CAMTA1: variants seen among roughly 807,000 people sequenced by gnomAD.
The protein encoded by CAMTA1 is calmodulin-binding transcription activator 1.
Under a neutral mutation model 170.9 loss-of-function variants are expected in CAMTA1, and 27 were observed. That is an observed-to-expected ratio of 0.16 (90% CI 0.12 to 0.22). The LOEUF (loss-of-function observed/expected upper bound fraction) is 0.22. Among genes scored for constraint, CAMTA1 ranks in the 10% least tolerant of loss-of-function variants. The pLI is 1.00. For missense variants in CAMTA1, 1,619 were observed against 2,217.2 expected (o/e 0.73, Z 5.42); for synonymous variants, 833 against 891.5 (o/e 0.93, Z 1.17).
chr1:7,036,003 T>C (rs976429461), intron 3 of CAMTA1, among the ~76,000 whole-genome samples: 1 of 152,210 alleles, frequency 6.6e-6, no homozygotes, highest in Non-Finnish European at 1.5e-5. Context: ...ACCATTTATA[T>C]AAGCTTAAAA....
chr1:7,145,790 A>G (rs1190150969), intron 4 of CAMTA1, among the ~76,000 whole-genome samples: 1 of 152,196 alleles, frequency 6.6e-6, no homozygotes, highest in Non-Finnish European at 1.5e-5. Context: ...TCTAGGCTGC[A>G]AGCATGAAGC....
intron 6 of CAMTA1, among the ~76,000 whole-genome samples, chr1:7,539,546 G>A (rs1440206228): frequency 6.6e-6 from 1 of 152,220 alleles, no homozygotes; most frequent in African/African-American, 2.4e-5. Context: ...ATATCACTCC[G>A]AAGTTTGTGG....
At chr1:7,581,135 G>C (rs1163847769) in intron 6 of CAMTA1, among the ~76,000 whole-genome samples, 2 of 152,180 alleles carry the variant, frequency 1.3e-5, no homozygotes, top group African/African-American at 4.8e-5. Flanking sequence ...GCACCGTGTT[G>C]CGAGAGGACA....
intron 4 of CAMTA1, among the ~76,000 whole-genome samples, chr1:7,227,094 A>G (rs1191026973): frequency 1.3e-5 from 2 of 152,028 alleles, no homozygotes; most frequent in Non-Finnish European, 2.9e-5. Flanking sequence ...CATCTTCCCA[A>G]AGTGCTGGGA....
rs753927796 is a variant in CAMTA1, at chr1:7,752,451, T to G, written c.4884-8T>G. The G allele has an allele frequency of 1.9e-6, 3 of 1,613,508 alleles. No individual in the cohort carries two copies. The highest frequency in any genetic ancestry group is 2.5e-6 in the Non-Finnish European group (3 of 1,179,568). On this transcript the variant is annotated splice_region_variant and splice_polypyrimidine_tract_variant and intron_variant, in intron 20 of 22. Transcript: ENST00000303635. ...CTTCTTGTGACAATAATATTCTGAC[T>G]TTTTCAGGAGCAGTTTGCTAACCAA...
chr1:7,058,017 G>A (rs990925217), intron 3 of CAMTA1, among the ~76,000 whole-genome samples: 3 of 152,150 alleles, frequency 2.0e-5, no homozygotes, highest in African/African-American at 4.8e-5. Flanking sequence ...GGCAGGGAGG[G>A]GACACAGAGC....
chr1:7,475,037 C>T (rs2093398133), intron 6 of CAMTA1, among the ~76,000 whole-genome samples: 1 of 152,240 alleles, frequency 6.6e-6, no homozygotes, highest in Admixed American at 6.5e-5. Context: ...ACCTCTCCAC[C>T]CGGATGAGCT....
chr1:6,820,505 A>G (rs532984032), intron 2 of CAMTA1, among the ~76,000 whole-genome samples: 2 of 152,328 alleles, frequency 1.3e-5, no homozygotes, highest in South Asian at 4.1e-4. Flanking sequence ...GCACTTAACA[A>G]ATGTTTGATA....
At chr1:6,994,921 G>T (rs1021425492) in intron 3 of CAMTA1, among the ~76,000 whole-genome samples, 1 of 152,080 alleles carries the variant, frequency 6.6e-6, no homozygotes, top group Non-Finnish European at 1.5e-5. Context: ...TCCCGCCTTG[G>T]CCTCTCAAAG....
rs113545949 is a variant in CAMTA1, at chr1:6,822,136, G to A, written c.115+1886G>A. Among the ~76,000 whole-genome samples, 65 of 152,206 alleles carry A rather than the reference G, an allele frequency of 4.3e-4. 1 individual carries two copies. The highest frequency in any genetic ancestry group is 1.5e-3 in the African/African-American group (62 of 41,544). On this transcript the variant is annotated intron_variant, in intron 2 of 22. Coordinates refer to ENST00000303635, the MANE Select transcript of CAMTA1 (RefSeq NM_015215.4). Reference sequence around the variant, plus strand: ...TTTCAGTGTCAAAGTTCAACTATTTGTATTGAATACTGAATAATGCAGTGG... The same window carrying A: ...TTTCAGTGTCAAAGTTCAACTATTTATATTGAATACTGAATAATGCAGTGG...
In CAMTA1 at chr1:7,323,397, G is replaced by A. The variant is rs566020206; in HGVS notation, c.438+73771G>A. Among the ~76,000 whole-genome samples, 9 of 151,066 alleles carry A rather than the reference G, an allele frequency of 6.0e-5. 2 individuals are homozygous for A. The highest frequency in any genetic ancestry group is 1.7e-4 in the African/African-American group (7 of 41,200). On this transcript the variant is annotated intron_variant, in intron 5 of 22. Transcript: ENST00000303635. Reference sequence around the variant, plus strand: ...CATGGCCTTCAGGTCTTTGCTCCGAGTTTACCTTCTCAGGAAGGAAATCCA... The same window carrying A: ...CATGGCCTTCAGGTCTTTGCTCCGAATTTACCTTCTCAGGAAGGAAATCCA...
At position 7,443,531 on chromosome 1, in the gene CAMTA1, G is replaced by GCTT. The variant is rs1446473891; in HGVS notation, c.439-24296_439-24294dup. ...CAGCACAATACCTACCACTGATTGA[G>GCTT]CTTCTGCTTGGCATATGGCCCTGCT... On this transcript the variant is annotated intron_variant, in intron 5 of 22. Transcript: ENST00000303635. The surrounding 1 kb of genome is among the most constrained non-coding windows in gnomAD (Gnocchi z 4.1). 6.6e-6 allele frequency among the ~76,000 whole-genome samples: 1 copy of GCTT among 152,062 alleles called. No homozygotes were observed. The highest frequency in any genetic ancestry group is 1.5e-5 in the Non-Finnish European group (1 of 68,024).
intron 3 of CAMTA1, among the ~76,000 whole-genome samples, chr1:6,846,199 C>T (rs761008421): frequency 3.9e-5 from 6 of 152,186 alleles, no homozygotes; most frequent in Non-Finnish European, 8.8e-5. Context: ...TCACTTTTCA[C>T]CATGTATATT....
intron 3 of CAMTA1, among the ~76,000 whole-genome samples, chr1:7,072,315 A>G (rs944736436): frequency 2.0e-5 from 3 of 152,208 alleles, no homozygotes; most frequent in Admixed American, 6.5e-5. Context: ...AGCCAGAGGC[A>G]GGGGAGTATG....
intron 3 of CAMTA1, among the ~76,000 whole-genome samples, chr1:7,077,072 C>T (rs958317064): frequency 3.3e-5 from 5 of 152,214 alleles, no homozygotes; most frequent in African/African-American, 9.7e-5. Flanking sequence ...GGCCTATAAT[C>T]AAGTCACACT....
Position 7,738,226 on chromosome 1 carries a change from C to T in CAMTA1, c.3926C>T (p.Ala1309Val). The T allele has an allele frequency of 1.2e-6, 2 of 1,614,058 alleles. No homozygotes were observed. The highest frequency in any genetic ancestry group is 1.3e-5 in the African/African-American group (1 of 75,044). The change falls in exon 16 of 23, where the codon GCA becomes GTA. Residue 1309 changes from alanine to valine, a missense_variant. By Grantham distance (64) the Ala-to-Val change is moderately conservative (BLOSUM62 0). Around this residue, in one of 8 missense-constraint regions of CAMTA1, gnomAD observed 370 missense variants for 429.4 expected, o/e 0.86. Transcript: ENST00000303635. This position sits in a 1 kb window ranked among gnomAD's most constrained non-coding sequence, Gnocchi z 4.9. ...TCCCCTCCCACTCCAGAGACTGCAG[C>T]ATTTCAAGCCTCTGGATCTCAGCCT... ...ELSPPTPETA[A>V]FQASGSQPVG...
chr1:7,481,975 G>A (rs2093545558), intron 6 of CAMTA1, among the ~76,000 whole-genome samples: 1 of 152,040 alleles, frequency 6.6e-6, no homozygotes, highest in Non-Finnish European at 1.5e-5. Flanking sequence ...GTGTCCCTTT[G>A]CAGTCAATAC....
chr1:6,800,654 CTG>C (rs534578582), intron 1 of CAMTA1, among the ~76,000 whole-genome samples: 20 of 152,144 alleles, frequency 1.3e-4, no homozygotes, highest in African/African-American at 4.3e-4. Context: ...ATTAATATAA[CTG>C]TTATTAAAAT....
At chr1:6,802,875 C>G (rs991602333) in intron 1 of CAMTA1, among the ~76,000 whole-genome samples, 5 of 152,106 alleles carry the variant, frequency 3.3e-5, no homozygotes, top group African/African-American at 1.2e-4. Flanking sequence ...GAGGACTTAG[C>G]TGGAAAACAC....
Sources: allele counts gnomAD v4.1 joint callset (sites outside exome capture counted in the v4.1 genomes callset), GRCh38; gene constraint gnomAD v4.1.1; regional missense constraint gnomAD v4.1.1; non-coding constraint Gnocchi (gnomAD v3.1); transcripts MANE v1.5; gene names NCBI Gene and HGNC (gene_info 2026-07-23, HGNC 2026-07-21).